The following STPG2 variants were observed in gnomAD, a reference collection of about 807,000 sequenced individuals.
The protein encoded by STPG2 is sperm tail PG-rich repeat containing 2, also known as sperm-tail PG-rich repeat-containing protein 2.
Under a neutral mutation model 54.2 loss-of-function variants are expected in STPG2, and 56 were observed. The ratio of observed to expected loss-of-function variants is 1.03; its 90% confidence interval spans 0.83 to 1.29. STPG2 has a LOEUF of 1.29. Ranked by LOEUF, STPG2 falls within the 50% of genes most tolerant of loss-of-function variation. The pLI, the probability that STPG2 is intolerant of heterozygous loss-of-function variation, is 0.00. For synonymous variants in STPG2, 200 were observed against 181.8 expected, an observed-to-expected ratio of 1.10 and a Z score of -0.81; for missense variants, 596 against 544.9, an observed-to-expected ratio of 1.09 and a Z score of -0.93.
intron 3 of STPG2, among the ~76,000 whole-genome samples, chr4:98,112,394 T>G (rs1739390240): frequency 6.6e-6 from 1 of 152,122 alleles, no homozygotes. Context: ...TGTCATAGAC[T>G]ATACCATCTA....
chr4:97,559,762 G>C (rs1189725594), intron 10 of STPG2, among the ~76,000 whole-genome samples: 1 of 152,080 alleles, frequency 6.6e-6, no homozygotes, highest in Admixed American at 6.6e-5. Context: ...TCCTGCCTAA[G>C]TTATCTTACC....
chr4:97,716,567 G>A (rs540072843), intron 9 of STPG2, among the ~76,000 whole-genome samples: 1 of 152,090 alleles, frequency 6.6e-6, no homozygotes, highest in Admixed American at 6.5e-5. Context: ...GATGAAGCTG[G>A]AAACCATTAT....
At chr4:97,442,245 T>A (rs542135424) in intron 4 of STPG2, among the ~76,000 whole-genome samples, 2 of 151,828 alleles carry the variant, frequency 1.3e-5, no homozygotes, top group East Asian at 3.9e-4. Flanking sequence ...TTTATTCAGA[T>A]GGTTACTCTT....
intron 10 of STPG2, among the ~76,000 whole-genome samples, chr4:97,583,951 C>T (rs1483012164): frequency 1.3e-5 from 2 of 151,804 alleles, no homozygotes; most frequent in Non-Finnish European, 2.9e-5. Context: ...ACTCCACTGA[C>T]AGCACTAGAT....
At chr4:98,126,160 A>AG (rs1739823340) in intron 3 of STPG2, among the ~76,000 whole-genome samples, 4 of 152,130 alleles carry the variant, frequency 2.6e-5, no homozygotes, top group Non-Finnish European at 4.4e-5. Context: ...GTTCCATGGG[A>AG]GGGGGGCCCA....
At chr4:97,863,766 C>T (rs1729652466) in intron 8 of STPG2, among the ~76,000 whole-genome samples, 1 of 152,176 alleles carries the variant, frequency 6.6e-6, no homozygotes, top group Non-Finnish European at 1.5e-5. Flanking sequence ...AAGTGGGCTT[C>T]ATCCCTGGGA....
intron 9 of STPG2, among the ~76,000 whole-genome samples, chr4:97,784,708 C>T (rs552279966): frequency 0.28 from 295 of 1,072 alleles, no homozygotes; most frequent in African/African-American, 0.41. Flanking sequence ...TATAGTATTA[C>T]AAAGAAAAAA....
chr4:97,931,081 G>A (rs1732528823), intron 8 of STPG2, among the ~76,000 whole-genome samples: 1 of 152,108 alleles, frequency 6.6e-6, no homozygotes, highest in African/African-American at 2.4e-5. Context: ...AGGGGCTTTT[G>A]GGCCAATACT....
intron 10 of STPG2, among the ~76,000 whole-genome samples, chr4:97,604,572 T>C (rs1733545542): frequency 6.6e-6 from 1 of 151,698 alleles, no homozygotes. Flanking sequence ...AGAGTTCTCC[T>C]CTACCCTTCT....
At chr4:97,860,869 T>C (rs1248478878) in intron 8 of STPG2, among the ~76,000 whole-genome samples, 2 of 152,190 alleles carry the variant, frequency 1.3e-5, no homozygotes, top group East Asian at 3.9e-4. Flanking sequence ...TCAGGGAAAA[T>C]GCTTTCAGCT....
chr4:97,751,744 G>A (rs964031708), intron 9 of STPG2, among the ~76,000 whole-genome samples: 6 of 151,678 alleles, frequency 4.0e-5, no homozygotes, highest in African/African-American at 1.5e-4. Context: ...AGTCAGATAT[G>A]CTCAGTAAAT....
At chr4:97,512,670 AG>A (rs911831564) in intron 4 of STPG2, among the ~76,000 whole-genome samples, 1 of 152,040 alleles carries the variant, frequency 6.6e-6, no homozygotes, top group African/African-American at 2.4e-5. Flanking sequence ...AGAAGAAGGA[AG>A]GGGGACGAAA....
rs1739386319 is a variant in STPG2 at position 98,112,261 on chromosome 4, T to C, written c.388-2956A>G. 2.0e-5 allele frequency among the ~76,000 whole-genome samples: 3 copies of C among 152,116 alleles called. No homozygotes were observed. The South Asian group carries it at 6.2e-4, about 31-fold the overall frequency. ...TTATTGTTCCCTTTCAATGTTTAGA[T>C]GTATTTAGATACACAAATACCATTG... On this transcript the variant is annotated intron_variant, in intron 3 of 10. Transcript: ENST00000295268.
intron 9 of STPG2, among the ~76,000 whole-genome samples, chr4:97,742,923 A>G (rs1725309143): frequency 6.6e-6 from 1 of 151,676 alleles, no homozygotes; most frequent in African/African-American, 2.4e-5. Context: ...ATAACACACA[A>G]AAATAATATG....
At chr4:97,919,940 ACT>A (rs1385240912) in intron 8 of STPG2, among the ~76,000 whole-genome samples, 1 of 152,212 alleles carries the variant, frequency 6.6e-6, no homozygotes, top group Non-Finnish European at 1.5e-5. Flanking sequence ...TAGCCTATGT[ACT>A]GCCATGTTAG....
chr4:97,961,786 GA>G (rs1365666360), intron 7 of STPG2, among the ~76,000 whole-genome samples: 1 of 152,124 alleles, frequency 6.6e-6, no homozygotes, highest in Non-Finnish European at 1.5e-5. Flanking sequence ...AACCACTATG[GA>G]AAACATTATC....
intron 3 of STPG2, among the ~76,000 whole-genome samples, chr4:98,123,222 T>C (rs1410900945): frequency 3.9e-5 from 6 of 152,216 alleles, no homozygotes; most frequent in Non-Finnish European, 7.3e-5. Flanking sequence ...ATTTCTTGTC[T>C]TCTGCTAGCT....
chr4:98,053,136 C>A (rs1737377898), intron 5 of STPG2, among the ~76,000 whole-genome samples: 1 of 152,118 alleles, frequency 6.6e-6, no homozygotes, highest in Non-Finnish European at 1.5e-5. Context: ...CCCATTTATA[C>A]CATACCTTTC....
intron 3 of STPG2, among the ~76,000 whole-genome samples, chr4:98,124,539 G>T (rs1739775933): frequency 6.6e-6 from 1 of 152,172 alleles, no homozygotes; most frequent in Non-Finnish European, 1.5e-5. Context: ...TTTCTGCTGA[G>T]AGGTCCACTC....
Sources: gnomAD v4.1 joint callset for allele counts (sites outside exome capture counted in the v4.1 genomes callset) on GRCh38, gnomAD v4.1.1 for gene constraint, MANE v1.5 for transcripts, NCBI Gene and HGNC (gene_info 2026-07-23, HGNC 2026-07-21) for gene names.